The following CLIC4 variants were observed in gnomAD, a reference collection of about 807,000 sequenced individuals.
The protein encoded by CLIC4 is chloride intracellular channel protein 4.
In CLIC4, 13 loss-of-function variants were observed where a neutral mutation model predicts 24.6. The observed-to-expected ratio is 0.53, with a 90% CI of 0.34 to 0.84. The LOEUF (loss-of-function observed/expected upper bound fraction) is 0.84. Ranked by LOEUF, CLIC4 falls within the 40% of genes least tolerant of loss-of-function variation. CLIC4 has a pLI of 0.01. For missense variants in CLIC4, 227 were observed against 301.7 expected, an observed-to-expected ratio of 0.75 and a Z score of 1.83; for synonymous variants, 104 against 111.3, an observed-to-expected ratio of 0.93 and a Z score of 0.41.
At chr1:24,823,360 G>C (rs1489574173) in intron 3 of CLIC4, among the ~76,000 whole-genome samples, 1 of 152,148 alleles carries the variant, frequency 6.6e-6, no homozygotes, top group African/African-American at 2.4e-5. Flanking sequence ...TTGAGACTTG[G>C]ATTTTTAACT....
At chr1:24,826,859 T>C (rs1272465370) in intron 3 of CLIC4, 151 bp from the exon 4 acceptor site, 3 of 514,620 alleles carry the variant, frequency 5.8e-6, no homozygotes, top group Non-Finnish European at 1.0e-5. Flanking sequence ...GAAAAAACAG[T>C]TTTTAAAAAT....
At chr1:24,767,851 A>AT (rs1442975282) in intron 1 of CLIC4, among the ~76,000 whole-genome samples, 37 of 149,828 alleles carry the variant, frequency 2.5e-4, no homozygotes, top group Admixed American at 1.6e-3. Flanking sequence ...ATATATATAT[A>AT]TATTTTTTTT....
At chr1:24,808,357 A>C (rs1639575207) in intron 2 of CLIC4, among the ~76,000 whole-genome samples, 1 of 152,194 alleles carries the variant, frequency 6.6e-6, no homozygotes, top group Non-Finnish European at 1.5e-5. Flanking sequence ...TTGCATATTA[A>C]CCTACAAATA....
intron 4 of CLIC4, among the ~76,000 whole-genome samples, chr1:24,829,749 A>G (rs530007662): frequency 4.6e-5 from 7 of 152,186 alleles, no homozygotes; most frequent in Non-Finnish European, 7.4e-5. Context: ...AGAGGTTCTG[A>G]TTAGTTCCTT....
chr1:24,844,108 G>A lies in CLIC4; in HGVS notation c.*3171G>A, dbSNP rs575355416. Reference sequence around the variant, plus strand: ...TGGAAAAATTTCAACTCCTCAAGCCGTAATGTTGAACAGAATTGGAGTATT... The same window carrying A: ...TGGAAAAATTTCAACTCCTCAAGCCATAATGTTGAACAGAATTGGAGTATT... On this transcript the variant is annotated 3_prime_UTR_variant, in exon 6 of 6. Coordinates refer to ENST00000374379, the MANE Select transcript of CLIC4 (RefSeq NM_013943.3). 1.6e-4 allele frequency: 25 copies of A among 152,660 alleles called. No homozygotes were observed. The East Asian group carries it at 2.9e-3, about 18-fold the overall frequency. 9.5% of individuals were successfully genotyped at this position (152,660 alleles called of 1,614,324 possible). A position where few individuals can be genotyped will look rare whatever the true frequency, so the allele number is the denominator to read the frequency against.
intron 1 of CLIC4, among the ~76,000 whole-genome samples, chr1:24,796,665 A>C (rs1571247621): frequency 6.6e-6 from 1 of 152,316 alleles, no homozygotes; most frequent in East Asian, 1.9e-4. Flanking sequence ...TATCTCATCT[A>C]GGTTTGTGTC....
intron 1 of CLIC4, among the ~76,000 whole-genome samples, chr1:24,755,363 C>T (rs529646976): frequency 2.9e-4 from 43 of 148,278 alleles, no homozygotes; most frequent in Admixed American, 2.2e-3. Flanking sequence ...CTCTTGAACC[C>T]GGGAGGCGGA....
chr1:24,839,072 T>C (rs1639913784), intron 4 of CLIC4, among the ~76,000 whole-genome samples: 1 of 152,186 alleles, frequency 6.6e-6, no homozygotes. Context: ...TTTGAAAATC[T>C]CAGGTTTTCT....
chr1:24,804,073 C>T (rs1639519499), intron 2 of CLIC4, among the ~76,000 whole-genome samples: 1 of 152,122 alleles, frequency 6.6e-6, no homozygotes, highest in African/African-American at 2.4e-5. Context: ...TTCCACCTTT[C>T]TGAAAACAGT....
At chr1:24,797,567 A>G (rs113578401) in intron 1 of CLIC4, among the ~76,000 whole-genome samples, 175 bp from the exon 2 acceptor site, 1 of 151,412 alleles carries the variant, frequency 6.6e-6, no homozygotes, top group African/African-American at 2.4e-5. Context: ...AAAAAGAAAA[A>G]AAAAAAAAAA....
chr1:24,752,754 C>T (rs934327139), intron 1 of CLIC4, among the ~76,000 whole-genome samples: 5 of 152,142 alleles, frequency 3.3e-5, no homozygotes, highest in African/African-American at 4.8e-5. Flanking sequence ...GACGGAGTCT[C>T]GCTCTGTCGC....
rs1639953845 is a variant in CLIC4 at position 24,842,492 on chromosome 1, C to T, written c.*1555C>T. 1 of 151,982 alleles carries T rather than the reference C, an allele frequency of 6.6e-6. No individual in the cohort carries two copies. The highest frequency in any genetic ancestry group is 6.6e-5 in the Admixed American group (1 of 15,256). The allele number at this position is 151,982 out of a possible 1,614,324, so 9.4% of individuals were successfully genotyped here. ...TTGCTTTAAAATGGCAGTGTTTCTCCCACTTTGATATGCTAACATTTAGTA... is the reference window on the plus strand; with the variant it reads ...TTGCTTTAAAATGGCAGTGTTTCTCTCACTTTGATATGCTAACATTTAGTA... On this transcript the variant is annotated 3_prime_UTR_variant, in exon 6 of 6. Transcript: ENST00000374379.
At chr1:24,799,225 T>C in intron 2 of CLIC4, among the ~76,000 whole-genome samples, 2 of 136,372 alleles carry the variant, frequency 1.5e-5, no homozygotes, top group South Asian at 2.5e-4. Flanking sequence ...CCGGCTGCCA[T>C]CACATCTAGG....
chr1:24,797,874 A>C, intron 2 of CLIC4, 23 bp downstream of exon 2: 1 of 1,509,114 alleles, frequency 6.6e-7, no homozygotes, highest in South Asian at 1.1e-5. Context: ...CGCAGTTTGC[A>C]ATCAACTTAA....
rs1367120189 is a variant in CLIC4, at chr1:24,841,991, G to A, written c.*1054G>A. On this transcript the variant is annotated 3_prime_UTR_variant, in exon 6 of 6. Transcript: ENST00000374379. ...TTAATGTAGATGACCTAAAGAATGC[G>A]TTATCCATCCTATATAAAAGAAAGA... The A allele has an allele frequency of 5.9e-5, 9 of 152,522 alleles. No homozygotes were observed. Among genetic ancestry groups the A allele is most frequent in the East Asian group, 1.9e-4 (1 of 5,202 alleles). 9.4% of individuals were successfully genotyped at this position (152,522 alleles called of 1,614,324 possible).
chr1:24,746,308 C>G (rs546725108), intron 1 of CLIC4, among the ~76,000 whole-genome samples: 12 of 152,290 alleles, frequency 7.9e-5, no homozygotes, highest in African/African-American at 2.4e-4. Flanking sequence ...GCTTCTCCCC[C>G]CGGCGTTGCT....
In CLIC4 at chr1:24,798,054, G is replaced by A. The variant is rs1251871924; in HGVS notation, c.182+203G>A. 2.6e-5 allele frequency: 11 copies of A among 428,334 alleles called. No homozygotes were observed. The East Asian group carries it at 4.4e-4, about 17-fold the overall frequency. The allele number at this position is 428,334 out of a possible 1,614,324, so 26.5% of individuals were successfully genotyped here. A position where few individuals can be genotyped will look rare whatever the true frequency, so the allele number is the denominator to read the frequency against. On this transcript the variant is annotated intron_variant, in intron 2 of 5. Coordinates refer to ENST00000374379, the MANE Select transcript of CLIC4 (RefSeq NM_013943.3). ...TGCGTGGCTACTCAGTCTTTTTTAG[G>A]AACTTTTGTATGTTTACCTTAAATT... is the stretch of plus-strand genomic sequence containing the variant.
chr1:24,819,906 A>AT (rs374540673), intron 3 of CLIC4, among the ~76,000 whole-genome samples: 46 of 147,056 alleles, frequency 3.1e-4, no homozygotes, highest in African/African-American at 1.1e-3. Context: ...TGCCCTGCTA[A>AT]TTTTTTTTGT....
chr1:24,818,369 C>T (rs1293891068), intron 3 of CLIC4, among the ~76,000 whole-genome samples: 1 of 152,112 alleles, frequency 6.6e-6, no homozygotes, highest in Non-Finnish European at 1.5e-5. Context: ...TCACTACAAC[C>T]TCTGCCTCCT....
Sources: gnomAD v4.1 joint callset for allele counts (sites outside exome capture counted in the v4.1 genomes callset) on GRCh38, gnomAD v4.1.1 for gene constraint, MANE v1.5 for transcripts, NCBI Gene and HGNC (gene_info 2026-07-23, HGNC 2026-07-21) for gene names.